Variants in SLC29A3 observed in about 807,000 individuals in gnomAD.
The protein encoded by SLC29A3 is equilibrative nucleoside transporter 3.
Under a neutral mutation model 25.4 loss-of-function variants are expected in SLC29A3, and 18 were observed. That is an observed-to-expected ratio of 0.71 (90% confidence interval 0.49 to 1.05). The LOEUF (loss-of-function observed/expected upper bound fraction) is 1.05, where lower values mean the gene tolerates loss of function less well. SLC29A3 is among the 50% of genes least tolerant of loss of function. The probability of loss-of-function intolerance (pLI) is 0.00; values close to 1 mark genes in which losing one functional copy is unlikely to be tolerated. For synonymous variants in SLC29A3, 258 were observed against 267.1 expected, an observed-to-expected ratio of 0.97 and a Z score of 0.33; for missense variants, 586 against 609.0, an observed-to-expected ratio of 0.96 and a Z score of 0.40.
At chr10:71,332,854 T>C (rs1053092728) in intron 2 of SLC29A3, among the ~76,000 whole-genome samples, 1 of 152,254 alleles carries the variant, frequency 6.6e-6, no homozygotes, top group Non-Finnish European at 1.5e-5. Context: ...AAAGCCTAGT[T>C]TGAAACGCTG....
At chr10:71,352,273 G>A (rs1321490214) in intron 4 of SLC29A3, among the ~76,000 whole-genome samples, 1 of 152,134 alleles carries the variant, frequency 6.6e-6, no homozygotes, top group Non-Finnish European at 1.5e-5. Flanking sequence ...GCCACATAGG[G>A]TCAGTTCTGC....
At chr10:71,358,327 C>T (rs911371125) in intron 5 of SLC29A3, among the ~76,000 whole-genome samples, 4 of 152,176 alleles carry the variant, frequency 2.6e-5, no homozygotes, top group African/African-American at 9.7e-5. Flanking sequence ...GGTAGTGAGC[C>T]ACTTTCCCCA....
intron 1 of SLC29A3, among the ~76,000 whole-genome samples, chr10:71,321,807 G>A (rs1845851891): frequency 6.6e-6 from 1 of 152,234 alleles, no homozygotes; most frequent in Non-Finnish European, 1.5e-5. Flanking sequence ...ACCATAGATT[G>A]AAAGTGGCTG....
At chr10:71,347,141 T>C (rs1589234698) in intron 3 of SLC29A3, among the ~76,000 whole-genome samples, 2 of 152,308 alleles carry the variant, frequency 1.3e-5, no homozygotes, top group Admixed American at 6.5e-5. Context: ...ATGTGCGAGA[T>C]TGAAAAGTCT....
At chr10:71,328,554 A>C (rs1846028851) in intron 2 of SLC29A3, among the ~76,000 whole-genome samples, 1 of 152,214 alleles carries the variant, frequency 6.6e-6, no homozygotes, top group Non-Finnish European at 1.5e-5. Flanking sequence ...GCTGGTGAAT[A>C]AAACTCTCTT....
At chr10:71,343,970 C>T (rs565189232) in intron 2 of SLC29A3, among the ~76,000 whole-genome samples, 2 of 152,302 alleles carry the variant, frequency 1.3e-5, no homozygotes, top group South Asian at 4.1e-4. Flanking sequence ...CTTATCCTTC[C>T]TATGCCTCTA....
rs896755457 is a variant in SLC29A3 at position 71,361,984 on chromosome 10, T to C, written c.804T>C (p.His268=). 1.2e-6 allele frequency: 2 copies of C among 1,614,130 alleles called. No individual in the cohort carries two copies. The highest frequency in any genetic ancestry group is 2.2e-5 in the East Asian group (1 of 44,878). The change falls in exon 6 of 6, where the codon CAT becomes CAC. Residue 268 remains histidine (H), a synonymous_variant. Coordinates refer to ENST00000373189, the MANE Select transcript of SLC29A3 (RefSeq NM_018344.6). Reference sequence around the variant, plus strand: ...ACATGAGGCCTGTTCTTGCGGCCCATGTGTTTTCTGGTGAAGAGGAGCTTC... The same window carrying C: ...ACATGAGGCCTGTTCTTGCGGCCCACGTGTTTTCTGGTGAAGAGGAGCTTC... ...RYYMRPVLAA[H]VFSGEEELPQ...
In SLC29A3 at chr10:71,358,900, C is replaced by T. The variant is rs150835354; in HGVS notation, c.773+2657C>T. Among the ~76,000 whole-genome samples the T allele has an allele frequency of 3.7e-3, 563 of 152,192 alleles. 4 individuals are homozygous for T. Among genetic ancestry groups the T allele is most frequent in the African/African-American group, 0.012 (513 of 41,486 alleles). On this transcript the variant is annotated intron_variant, in intron 5 of 5. Coordinates refer to ENST00000373189, the MANE Select transcript of SLC29A3 (RefSeq NM_018344.6). ...CCAGGACCATGCTATCCTGTAGACG[C>T]TTCTATTTCTTTTTCTTTTTCTTTT...
intron 3 of SLC29A3, among the ~76,000 whole-genome samples, chr10:71,344,933 C>A (rs1468271541): frequency 6.6e-6 from 1 of 152,192 alleles, no homozygotes; most frequent in South Asian, 2.1e-4. Flanking sequence ...GGTCCAGAAA[C>A]CTGGGCTGCT....
At chr10:71,339,915 C>G (rs1307349825) in intron 2 of SLC29A3, among the ~76,000 whole-genome samples, 1 of 152,174 alleles carries the variant, frequency 6.6e-6, no homozygotes, top group African/African-American at 2.4e-5. Flanking sequence ...GTCCACCTCC[C>G]CGAGGGCACG....
intron 2 of SLC29A3, among the ~76,000 whole-genome samples, chr10:71,327,486 A>G (rs1219675047): frequency 6.6e-6 from 1 of 152,192 alleles, no homozygotes. Context: ...CCATCCTGGC[A>G]GGGGTATTGC....
At chr10:71,319,985 C>A (rs1445267623) in intron 1 of SLC29A3, among the ~76,000 whole-genome samples, 1 of 152,224 alleles carries the variant, frequency 6.6e-6, no homozygotes, top group South Asian at 2.1e-4. Context: ...GAAGGTTGGG[C>A]ACTTCCTTGC....
chr10:71,344,696 G>A (rs377596896), intron 3 of SLC29A3, among the ~76,000 whole-genome samples: 304 of 152,322 alleles, frequency 2.0e-3, no homozygotes, highest in African/African-American at 7.0e-3. Context: ...GCTCACGGGG[G>A]AAGTTCCAAC....
At chr10:71,330,939 A>C (rs1404624764) in intron 2 of SLC29A3, among the ~76,000 whole-genome samples, 1 of 151,990 alleles carries the variant, frequency 6.6e-6, no homozygotes, top group Non-Finnish European at 1.5e-5. Context: ...TGAAAAGTTT[A>C]AGTCATTTGC....
chr10:71,325,462 G>A (rs565386209), intron 2 of SLC29A3, among the ~76,000 whole-genome samples: 5 of 152,220 alleles, frequency 3.3e-5, no homozygotes, highest in South Asian at 4.1e-4. Flanking sequence ...TGCGGGCCAC[G>A]CCCCAGGGAT....
chr10:71,322,493 C>T (rs531670201), intron 1 of SLC29A3, among the ~76,000 whole-genome samples: 5 of 152,332 alleles, frequency 3.3e-5, no homozygotes, highest in African/African-American at 1.2e-4. Context: ...CAGTTATGTG[C>T]TACTGCTACC....
At chr10:71,319,355 G>A in intron 1 of SLC29A3, 45 bp downstream of exon 1, 1 of 617,444 alleles carries the variant, frequency 1.6e-6, no homozygotes, top group Admixed American at 2.7e-5. Context: ...GGTCCCGGCC[G>A]CCCCCAGACT....
chr10:71,334,432 C>G (rs913577242), intron 2 of SLC29A3, among the ~76,000 whole-genome samples: 18 of 152,194 alleles, frequency 1.2e-4, no homozygotes, highest in Non-Finnish European at 2.4e-4. Flanking sequence ...GTTCTGTGAT[C>G]TATTATAGTG....
chr10:71,362,439 C>T lies in SLC29A3; in HGVS notation c.1259C>T (p.Ser420Phe), dbSNP rs936901488. 1.2e-6 allele frequency: 2 copies of T among 1,614,100 alleles called. No individual in the cohort carries two copies. Among genetic ancestry groups the T allele is most frequent in the African/African-American group, 1.3e-5 (1 of 74,938 alleles). ...GATGTGTACCCCGCACTCCTCAGCT[C>T]CCTGCTGGGGCTCAGCAACGGCTAC... is the stretch of plus-strand genomic sequence containing the variant. ...QSDVYPALLS[S>F]LLGLSNGYLS... Residue 420 changes from serine to phenylalanine, a missense_variant, in exon 6 of 6, where the codon TCC becomes TTC. By Grantham distance (155) the Ser-to-Phe change is radical. Transcript: ENST00000373189.
Sources: allele counts gnomAD v4.1 joint callset (sites outside exome capture counted in the v4.1 genomes callset), GRCh38; gene constraint gnomAD v4.1.1; transcripts MANE v1.5; gene names NCBI Gene and HGNC (gene_info 2026-07-23, HGNC 2026-07-21).